The following EFCAB11 variants were observed in gnomAD, a reference collection of about 807,000 sequenced individuals.
The protein encoded by EFCAB11 is EF-hand calcium-binding domain-containing protein 11.
In EFCAB11, 14 loss-of-function variants were observed where a neutral mutation model predicts 23.0. The observed-to-expected ratio is 0.61, with a 90% CI of 0.40 to 0.95. EFCAB11 has a LOEUF of 0.95. EFCAB11 is among the 40% of genes least tolerant of loss of function. EFCAB11 has a pLI of 0.00. For missense variants in EFCAB11, 198 were observed against 195.8 expected (o/e 1.01, Z -0.07); for synonymous variants, 65 against 66.6 (o/e 0.98, Z 0.11).
chr14:89,863,020 T>C (rs1021736798), intron 5 of EFCAB11, among the ~76,000 whole-genome samples: 1 of 152,184 alleles, frequency 6.6e-6, no homozygotes, highest in Admixed American at 6.5e-5. Context: ...ATCTTCTATG[T>C]GCCAAGCACT....
rs138729683 is a variant in EFCAB11, at chr14:89,920,983, T to G, written c.410+10558A>C. Among the ~76,000 whole-genome samples the G allele has an allele frequency of 1.3e-4, 19 of 150,788 alleles. No homozygotes were observed. The East Asian group carries it at 3.7e-3, about 29-fold the overall frequency. On this transcript the variant is annotated intron_variant, in intron 5 of 5. Coordinates refer to ENST00000316738, the MANE Select transcript of EFCAB11 (RefSeq NM_145231.4). The stretch of plus-strand genomic sequence containing the variant: ...GGGAGGCTGAGGCAGGAGAATCACT[T>G]GAACCTGGGAGGCAGAGGTTGCAGT...
Position 89,857,880 on chromosome 14 carries a change from A to C in EFCAB11, c.411-60556T>G, listed in dbSNP as rs543069595. ...ATCTCATTATCTTATACAAGAGAATAAAAAGAAAGTAGGCCCTAGAAATAA... is the reference window on the plus strand; with the variant it reads ...ATCTCATTATCTTATACAAGAGAATCAAAAGAAAGTAGGCCCTAGAAATAA... On this transcript the variant is annotated intron_variant, in intron 5 of 5. Transcript: ENST00000316738. Among the ~76,000 whole-genome samples, 6 of 152,324 alleles carry C rather than the reference A, an allele frequency of 3.9e-5. No homozygotes were observed. In the South Asian group the frequency reaches 1.2e-3, roughly 32 times the overall value.
intron 5 of EFCAB11, among the ~76,000 whole-genome samples, chr14:89,829,061 G>A (rs1419632241): frequency 1.3e-5 from 2 of 152,196 alleles, no homozygotes; most frequent in Non-Finnish European, 2.9e-5. Flanking sequence ...GTGATATGAA[G>A]GAAGAGTTCT....
At chr14:89,854,675 A>G (rs1479592684) in intron 5 of EFCAB11, among the ~76,000 whole-genome samples, 1 of 151,996 alleles carries the variant, frequency 6.6e-6, no homozygotes, top group Non-Finnish European at 1.5e-5. Context: ...TTGAATACAC[A>G]GCCCAAATTG....
chr14:89,864,342 C>T (rs1566788633), intron 5 of EFCAB11, among the ~76,000 whole-genome samples: 2 of 152,170 alleles, frequency 1.3e-5, no homozygotes, highest in South Asian at 2.1e-4. Flanking sequence ...TGACGGTCTA[C>T]CCTAAAAACA....
chr14:89,844,947 G>A (rs1288365634), intron 5 of EFCAB11, among the ~76,000 whole-genome samples: 1 of 152,050 alleles, frequency 6.6e-6, no homozygotes, highest in Non-Finnish European at 1.5e-5. Flanking sequence ...TGGGTGTGTT[G>A]GAGGAGGCAG....
intron 5 of EFCAB11, chr14:89,892,107 A>C (rs1281831003): frequency 4.1e-5 from 64 of 1,550,358 alleles, no homozygotes; most frequent in Non-Finnish European, 5.1e-5. Flanking sequence ...GAACACATCC[A>C]AGACTGGCAC....
chr14:89,935,505 T>C (rs985567945), intron 3 of EFCAB11, among the ~76,000 whole-genome samples: 3 of 150,122 alleles, frequency 2.0e-5, no homozygotes, highest in Admixed American at 1.3e-4. Flanking sequence ...CTCAAAATCC[T>C]AGCCTCAAGT....
chr14:89,946,842 T>C (rs1206955759), intron 3 of EFCAB11, among the ~76,000 whole-genome samples: 1 of 151,950 alleles, frequency 6.6e-6, no homozygotes, highest in Non-Finnish European at 1.5e-5. Flanking sequence ...CCTCCCAAAG[T>C]GCTTGGATTA....
chr14:89,946,559 C>T (rs1890993224), intron 3 of EFCAB11, among the ~76,000 whole-genome samples: 1 of 151,692 alleles, frequency 6.6e-6, no homozygotes, highest in Non-Finnish European at 1.5e-5. Context: ...TTCCCATTTT[C>T]TTCCTTCTGT....
intron 3 of EFCAB11, among the ~76,000 whole-genome samples, chr14:89,940,324 T>G (rs897826101): frequency 1.3e-5 from 2 of 152,164 alleles, no homozygotes; most frequent in African/African-American, 2.4e-5. Context: ...CTTTGTTCCA[T>G]AGGAGCCAAA....
intron 5 of EFCAB11, among the ~76,000 whole-genome samples, chr14:89,842,602 G>GAT (rs1887303178): frequency 3.9e-5 from 1 of 25,676 alleles, no homozygotes; most frequent in African/African-American, 1.3e-4. Flanking sequence ...GATATAATAT[G>GAT]ATATGATATG....
intron 5 of EFCAB11, among the ~76,000 whole-genome samples, chr14:89,874,124 A>G (rs1301133280): frequency 6.6e-6 from 1 of 152,138 alleles, no homozygotes; most frequent in East Asian, 1.9e-4. Context: ...AGGTTCCCAA[A>G]CCTCAGTTCT....
chr14:89,925,884 A>G (rs1020430857), intron 5 of EFCAB11, among the ~76,000 whole-genome samples: 4 of 152,142 alleles, frequency 2.6e-5, no homozygotes. Flanking sequence ...GTTGGAGTGC[A>G]GTGGCGTGAT....
At chr14:89,933,551 A>C (rs1256523301) in intron 3 of EFCAB11, among the ~76,000 whole-genome samples, 1 of 152,238 alleles carries the variant, frequency 6.6e-6, no homozygotes, top group East Asian at 1.9e-4. Flanking sequence ...TGATTTTCTT[A>C]ATTTCCTACA....
chr14:89,892,230 C>A, intron 5 of EFCAB11: 1 of 1,609,466 alleles, frequency 6.2e-7, no homozygotes, highest in Non-Finnish European at 8.5e-7. Flanking sequence ...GAGGAGCTAG[C>A]TGCCTCCCTG....
intron 3 of EFCAB11, among the ~76,000 whole-genome samples, chr14:89,943,366 C>T (rs560836266): frequency 8.6e-4 from 130 of 151,908 alleles, no homozygotes; most frequent in Admixed American, 2.0e-3. Context: ...TACCTCAGCC[C>T]CCTGAGTAGC....
At chr14:89,858,529 G>A (rs9783673) in intron 5 of EFCAB11, among the ~76,000 whole-genome samples, 4,072 of 152,112 alleles carry the variant, frequency 0.027, 66 homozygotes, top group African/African-American at 0.049. Context: ...TCACTCTGTC[G>A]CCCAGAGTTG....
intron 3 of EFCAB11, among the ~76,000 whole-genome samples, chr14:89,935,843 A>G (rs767629915): frequency 2.0e-5 from 3 of 152,144 alleles, no homozygotes; most frequent in Non-Finnish European, 2.9e-5. Flanking sequence ...ACCTATCTCC[A>G]CTAAAAATAC....
Sources: allele counts gnomAD v4.1 joint callset (sites outside exome capture counted in the v4.1 genomes callset), GRCh38; gene constraint gnomAD v4.1.1; transcripts MANE v1.5; gene names NCBI Gene and HGNC (gene_info 2026-07-23, HGNC 2026-07-21).